Variants in P2RY8 observed in about 807,000 individuals in gnomAD.
P2RY8 encodes the protein P2Y receptor family member 8, also known as S-geranylgeranyl-glutathione receptor P2RY8.
Under a neutral mutation model 10.0 loss-of-function variants are expected in P2RY8, and 6 were observed. The ratio of observed to expected loss-of-function variants is 0.60; its 90% CI spans 0.33 to 1.19. The LOEUF is 1.19. Ranked by LOEUF, P2RY8 falls within the 50% of genes most tolerant of loss-of-function variation. The pLI is 0.04. For synonymous variants in P2RY8, 276 were observed against 252.5 expected, an observed-to-expected ratio of 1.09 and a Z score of -0.88; for missense variants, 456 against 542.0, an observed-to-expected ratio of 0.84 and a Z score of 1.58.
intron 1 of P2RY8, among the ~76,000 whole-genome samples, chrX:1,510,412 G>A (rs746567185): frequency 5.3e-5 from 8 of 152,218 alleles, no homozygotes; most frequent in African/African-American, 1.2e-4. Flanking sequence ...GGTGAAGCTC[G>A]TCCAGCTCAC....
intron 1 of P2RY8, among the ~76,000 whole-genome samples, chrX:1,493,775 C>T (rs1307496192): frequency 6.6e-6 from 1 of 152,170 alleles, no homozygotes; most frequent in South Asian, 2.1e-4. Context: ...TCCGTTAAAA[C>T]GGACAAGACG....
chrX:1,501,610 T>C (rs749716249), intron 1 of P2RY8, among the ~76,000 whole-genome samples: 7 of 152,162 alleles, frequency 4.6e-5, no homozygotes, highest in Admixed American at 2.0e-4. Flanking sequence ...TTATTATTAT[T>C]TGAGACAAAG....
chrX:1,533,693 T>C (rs1405708570), intron 1 of P2RY8, among the ~76,000 whole-genome samples: 2 of 126,274 alleles, frequency 1.6e-5, no homozygotes, highest in Admixed American at 1.7e-4. Context: ...ATATATTATT[T>C]ATATATTATA....
Position 1,465,400 on chromosome X carries a change from C to T in P2RY8, c.*79G>A. 1.3e-6 allele frequency: 2 copies of T among 1,519,686 alleles called. No homozygotes were observed. The highest frequency in any genetic ancestry group is 1.8e-6 in the Non-Finnish European group (2 of 1,142,592). 94.1% of individuals were successfully genotyped at this position (1,519,686 alleles called of 1,614,324 possible). A position where few individuals can be genotyped will look rare whatever the true frequency, so the allele number is the denominator to read the frequency against. ...GAGCAACGCAGCTGTTCTCCCTGAA[C>T]CTCTGGCACCGTGGCCTCTCCATGC... On this transcript the variant is annotated 3_prime_UTR_variant, in exon 2 of 2. Transcript: ENST00000381297.
intron 1 of P2RY8, among the ~76,000 whole-genome samples, chrX:1,482,309 A>G (rs1301539472): frequency 6.8e-6 from 1 of 147,776 alleles, no homozygotes; most frequent in South Asian, 2.1e-4. Context: ...AAAAAAAAAA[A>G]CCCAAAGTGG....
At chrX:1,485,861 T>C (rs2091982083) in intron 1 of P2RY8, among the ~76,000 whole-genome samples, 1 of 151,606 alleles carries the variant, frequency 6.6e-6, no homozygotes, top group South Asian at 2.1e-4. Context: ...TGTGTATATA[T>C]AATTATATGT....
intron 1 of P2RY8, among the ~76,000 whole-genome samples, chrX:1,467,509 C>A (rs762721589): frequency 6.6e-6 from 1 of 152,316 alleles, no homozygotes; most frequent in South Asian, 2.1e-4. Context: ...AAAAGCAGAC[C>A]CTTCCTTCTT....
In P2RY8 at chrX:1,466,142, G is replaced by A. The variant is rs758248029; in HGVS notation, c.417C>T (p.Tyr139=). 6.2e-6 allele frequency: 10 copies of A among 1,611,964 alleles called. No individual in the cohort carries two copies. Among genetic ancestry groups the A allele is most frequent in the African/African-American group, 4.0e-5 (3 of 75,036 alleles). ...LSSKRWRRRR[Y]AVAACAGTWL... is the part of the protein sequence containing the mutation. ...AGGTCCCTGCACACGCGGCCACCGCGTAACGACGGCGGCGCCAGCGCTTGG... is the reference window on the plus strand; with the variant it reads ...AGGTCCCTGCACACGCGGCCACCGCATAACGACGGCGGCGCCAGCGCTTGG... Residue 139 remains tyrosine, a synonymous_variant, in exon 2 of 2, where the codon TAC becomes TAT. Transcript: ENST00000381297.
intron 1 of P2RY8, among the ~76,000 whole-genome samples, chrX:1,518,593 T>G (rs1235439888): frequency 7.2e-5 from 11 of 151,884 alleles, no homozygotes; most frequent in Non-Finnish European, 1.5e-4. Flanking sequence ...ATATTCTTGC[T>G]GGGCCCAATG....
intron 1 of P2RY8, among the ~76,000 whole-genome samples, chrX:1,507,709 C>T (rs749523519): frequency 6.6e-6 from 1 of 152,292 alleles, no homozygotes; most frequent in South Asian, 2.1e-4. Flanking sequence ...TGTCTCCCTG[C>T]CACATTCATG....
rs760585041 is a variant in P2RY8 at position 1,509,099 on chromosome X, G to GTATCTATCTATC, written c.-25+27810_-25+27821dup. 9.0e-3 allele frequency among the ~76,000 whole-genome samples: 1,250 copies of GTATCTATCTATC among 138,214 alleles called. 13 individuals carry two copies. Among genetic ancestry groups the GTATCTATCTATC allele is most frequent in the East Asian group, 0.033 (161 of 4,806 alleles). The allele number at this position is 138,214 out of a possible 152,430, so 90.7% of individuals were successfully genotyped here. On this transcript the variant is annotated intron_variant, in intron 1 of 1. Coordinates refer to ENST00000381297, the MANE Select transcript of P2RY8 (RefSeq NM_178129.5). The stretch of plus-strand genomic sequence containing the variant: ...TCTATGTATCTATCTATGTATCTAT[G>GTATCTATCTATC]TATCTATCTATCTATCTATCTATCT...
At chrX:1,518,686 C>T (rs2092369386) in intron 1 of P2RY8, among the ~76,000 whole-genome samples, 1 of 151,710 alleles carries the variant, frequency 6.6e-6, no homozygotes, top group African/African-American at 2.4e-5. Context: ...TAAAATCTCT[C>T]CAGTCCCCTC....
chrX:1,468,042 C>G (rs2091716377), intron 1 of P2RY8, among the ~76,000 whole-genome samples: 1 of 152,122 alleles, frequency 6.6e-6, no homozygotes, highest in Non-Finnish European at 1.5e-5. Flanking sequence ...TCTCAAACTC[C>G]TGGCCTCAAG....
At position 1,532,935 on chromosome X, in the gene P2RY8, G is replaced by A. The variant is rs751049636; in HGVS notation, c.-25+3986C>T. Among the ~76,000 whole-genome samples, 51 of 148,836 alleles carry A rather than the reference G, an allele frequency of 3.4e-4. 2 individuals are homozygous for A. The East Asian group carries it at 9.6e-3, about 28-fold the overall frequency. The stretch of plus-strand genomic sequence containing the variant: ...GGAGAATCGCTTGAATCCGGGAGAA[G>A]GAGGTTGCAGTGAGCCGAGATCGCG... On this transcript the variant is annotated intron_variant, in intron 1 of 1. Transcript: ENST00000381297.
chrX:1,523,710 C>G (rs1265107912), intron 1 of P2RY8, among the ~76,000 whole-genome samples: 3 of 152,020 alleles, frequency 2.0e-5, no homozygotes, highest in Non-Finnish European at 4.4e-5. Flanking sequence ...TGAGACGGAG[C>G]CTCCCTCTGT....
At chrX:1,503,445 T>C (rs1204573219) in intron 1 of P2RY8, among the ~76,000 whole-genome samples, 2 of 152,194 alleles carry the variant, frequency 1.3e-5, no homozygotes, top group African/African-American at 4.8e-5. Flanking sequence ...CTTTCTGACA[T>C]GCCACGAGCT....
At chrX:1,493,429 A>AAGGT (rs2092082214) in intron 1 of P2RY8, among the ~76,000 whole-genome samples, 1 of 39,722 alleles carries the variant, frequency 2.5e-5, no homozygotes, top group Non-Finnish European at 5.1e-5. Context: ...AGGAAGGAGG[A>AAGGT]GGGAGGGAAG....
At chrX:1,509,224 T>G (rs1209011401) in intron 1 of P2RY8, among the ~76,000 whole-genome samples, 1 of 147,870 alleles carries the variant, frequency 6.8e-6, no homozygotes, top group Admixed American at 6.8e-5. Context: ...GCCATCCATC[T>G]ATTTATCTCT....
intron 1 of P2RY8, among the ~76,000 whole-genome samples, chrX:1,534,036 TC>T (rs201301171): frequency 0.012 from 1,541 of 127,526 alleles, 25 homozygotes; most frequent in African/African-American, 0.046. Flanking sequence ...TATATACTTA[TC>T]TATTTATTAT....
Sources: gnomAD v4.1 joint callset for allele counts (sites outside exome capture counted in the v4.1 genomes callset) on GRCh38, gnomAD v4.1.1 for gene constraint, MANE v1.5 for transcripts, NCBI Gene and HGNC (gene_info 2026-07-23, HGNC 2026-07-21) for gene names.